Variants in RP1 observed in about 807,000 individuals in gnomAD.
The protein encoded by RP1 is oxygen-regulated protein 1.
Under a neutral mutation model 14.8 loss-of-function variants are expected in RP1, and 16 were observed. The observed-to-expected ratio is 1.08, with a 90% CI of 0.73 to 1.65. RP1 has a LOEUF of 1.65. Among genes scored for constraint, RP1 ranks in the 40% most tolerant of loss-of-function variants. The pLI, the probability that RP1 is intolerant of heterozygous loss-of-function variation, is 0.00. For missense variants in RP1, 2,631 were observed against 2,535.0 expected (o/e 1.04, Z -0.81); for synonymous variants, 876 against 883.6 (o/e 0.99, Z 0.15).
intron 24 of RP1, among the ~76,000 whole-genome samples, chr8:54,793,586 A>C (rs1285647316): frequency 6.6e-6 from 1 of 151,994 alleles, no homozygotes; most frequent in African/African-American, 2.4e-5. Context: ...TAATGTGATC[A>C]TCTCAACAGA....
chr8:54,652,751 T>A, intron 4 of RP1: 1 of 1,483,054 alleles, frequency 6.7e-7, no homozygotes, highest in East Asian at 2.5e-5. Flanking sequence ...TGAAATTACA[T>A]TGAAAGTTGT....
At chr8:54,781,278 G>A (rs890626925) in intron 23 of RP1, among the ~76,000 whole-genome samples, 14 of 152,160 alleles carry the variant, frequency 9.2e-5, no homozygotes, top group African/African-American at 3.4e-4. Context: ...TAAATATTTA[G>A]ACTTCAATTA....
intron 1 of RP1, among the ~76,000 whole-genome samples, chr8:54,608,551 G>C (rs1247047431): frequency 6.6e-6 from 1 of 152,006 alleles, no homozygotes; most frequent in African/African-American, 2.4e-5. Flanking sequence ...TGTTCAACAT[G>C]GTAAAAAAAG....
Position 54,597,693 on chromosome 8 carries a change from G to T in RP1, c.-12-23262G>T, listed in dbSNP as rs73679489. On this transcript the variant is annotated intron_variant, in intron 1 of 22. Coordinates refer to the RP1 transcript ENST00000636932. ...ATGTACTGATATATGCTAAAACATA[G>T]TTGAACCTCAAAAACATTATGCTAA... Among the ~76,000 whole-genome samples, 1,170 of 152,260 alleles carry T rather than the reference G, an allele frequency of 7.7e-3. 17 individuals are homozygous for T. The highest frequency in any genetic ancestry group is 0.027 in the African/African-American group (1,103 of 41,556).
At chr8:54,633,315 A>G (rs550545806), downstream of RP1, among the ~76,000 whole-genome samples, 1 of 152,224 alleles carries the variant, frequency 6.6e-6, no homozygotes, top group South Asian at 2.1e-4. Context: ...GGACTATGGG[A>G]CCCAACAAAA....
At chr8:54,866,476 A>C (rs1442708453) in intron 28 of RP1, among the ~76,000 whole-genome samples, 1 of 152,208 alleles carries the variant, frequency 6.6e-6, no homozygotes, top group Non-Finnish European at 1.5e-5. Flanking sequence ...TCTGATTCTC[A>C]GTTTCAAAGT....
intron 13 of RP1, among the ~76,000 whole-genome samples, chr8:54,701,012 G>C (rs1808001588): frequency 6.6e-6 from 1 of 152,178 alleles, no homozygotes; most frequent in African/African-American, 2.4e-5. Context: ...TGGGGAACTA[G>C]AGGGAGATGG....
chr8:54,722,274 T>TTG lies in RP1; in HGVS notation c.2389+1985_2389+1986dup, dbSNP rs1554527263. 8.2e-3 allele frequency among the ~76,000 whole-genome samples: 1,180 copies of TTG among 143,742 alleles called. 19 individuals are homozygous for TTG. The highest frequency in any genetic ancestry group is 0.026 in the African/African-American group (1,006 of 38,906). 94.3% of individuals were successfully genotyped at this position (143,742 alleles called of 152,430 possible). ...TATTATTTTAGAATGGTTTTTTTTT[T>TTG]TGTGTGTGTGTGTGTGTGACGGAGT... On this transcript the variant is annotated intron_variant, in intron 16 of 22. Transcript: ENST00000636932.
Position 54,843,460 on chromosome 8 carries a change from C to T in RP1, c.3835+5791C>T, listed in dbSNP as rs150412360. Among the ~76,000 whole-genome samples the T allele has an allele frequency of 5.9e-5, 9 of 152,186 alleles. No individual in the cohort carries two copies. In the East Asian group the frequency reaches 7.7e-4, roughly 13 times the overall value. On this transcript the variant is annotated intron_variant, in intron 25 of 28. Transcript: ENST00000637698. The stretch of plus-strand genomic sequence containing the variant: ...GGATGATGCAGCCCCAAACCGCCGC[C>T]GTATATGGTCTTGGATCCCAAACCT...
intron 25 of RP1, among the ~76,000 whole-genome samples, chr8:54,843,081 G>T (rs764879355): frequency 6.6e-6 from 1 of 152,118 alleles, no homozygotes; most frequent in African/African-American, 2.4e-5. Flanking sequence ...GTGAGACAGA[G>T]TGTTGCCCAG....
chr8:54,869,801 A>G (rs928351668), intron 28 of RP1: 2 of 847,854 alleles, frequency 2.4e-6, no homozygotes, highest in African/African-American at 3.5e-5. Flanking sequence ...CCTCCTTTCA[A>G]TGCTCTCTCA....
intron 25 of RP1, among the ~76,000 whole-genome samples, chr8:54,840,068 A>G (rs1446170204): frequency 6.6e-6 from 1 of 152,036 alleles, no homozygotes; most frequent in Non-Finnish European, 1.5e-5. Flanking sequence ...TTTGGTTTCT[A>G]CCCTGCATGT....
At chr8:54,669,992 C>G (rs969312323) in intron 7 of RP1, among the ~76,000 whole-genome samples, 6 of 151,762 alleles carry the variant, frequency 4.0e-5, no homozygotes, top group Non-Finnish European at 1.5e-5. Context: ...CAAACCGGCA[C>G]GTTGTGCACA....
intron 24 of RP1, among the ~76,000 whole-genome samples, chr8:54,799,946 C>G (rs1810665251): frequency 6.6e-6 from 1 of 152,004 alleles, no homozygotes; most frequent in South Asian, 2.1e-4. Flanking sequence ...CTTTATTTCT[C>G]TGTGTAGACC....
chr8:54,857,185 A>T, intron 27 of RP1: 1 of 406,968 alleles, frequency 2.5e-6, no homozygotes, highest in Non-Finnish European at 4.0e-6. Flanking sequence ...AAAGAACAGG[A>T]AAATGTACAG....
chr8:54,851,738 T>C (rs1458531529), intron 25 of RP1, among the ~76,000 whole-genome samples: 1 of 152,230 alleles, frequency 6.6e-6, no homozygotes, highest in Non-Finnish European at 1.5e-5. Context: ...ATACCACATT[T>C]GTCTTTATAA....
At chr8:54,732,668 C>T (rs1367132796) in intron 17 of RP1, among the ~76,000 whole-genome samples, 5 of 152,124 alleles carry the variant, frequency 3.3e-5, no homozygotes, top group Admixed American at 6.6e-5. Context: ...GCTGTGGAGT[C>T]TTTGTCAGTA....
In RP1 at chr8:54,638,496, C is replaced by T. The variant is rs185728737; in HGVS notation, c.788-10489C>T. On this transcript the variant is annotated intron_variant, in intron 3 of 22. Coordinates refer to the RP1 transcript ENST00000636932. Reference sequence around the variant, plus strand: ...GTTTAATGGATAAAAATTATATGGCCTTATACATTAGAAGTAACTCAAACA... The same window carrying T: ...GTTTAATGGATAAAAATTATATGGCTTTATACATTAGAAGTAACTCAAACA... Among the ~76,000 whole-genome samples the T allele has an allele frequency of 2.0e-5, 3 of 151,452 alleles. No homozygotes were observed. The East Asian group carries it at 5.8e-4, about 29-fold the overall frequency.
Position 54,630,307 on chromosome 8 carries a change from T to C in RP1, c.6425T>C (p.Leu2142Ser). Reference sequence around the variant, plus strand: ...TTCATTTGGGAAGAGGAAGACATATTAAATTTAACTGATCTTGAAAGCAGT... The same window carrying C: ...TTCATTTGGGAAGAGGAAGACATATCAAATTTAACTGATCTTGAAAGCAGT... The part of the protein sequence containing the change: ...NLFIWEEEDI[L>S]NLTDLESSRE... Residue 2142 changes from leucine (L) to serine (S), a missense_variant, in exon 4 of 4, where the codon TTA becomes TCA. Transcript: ENST00000220676. 2 of 1,613,774 alleles carry C rather than the reference T, an allele frequency of 1.2e-6. No individual in the cohort carries two copies. Among genetic ancestry groups the C allele is most frequent in the Non-Finnish European group, 1.7e-6 (2 of 1,179,810 alleles).
Sources: allele counts gnomAD v4.1 joint callset (sites outside exome capture counted in the v4.1 genomes callset), GRCh38; gene constraint gnomAD v4.1.1; transcripts MANE v1.5; gene names NCBI Gene and HGNC (gene_info 2026-07-23, HGNC 2026-07-21).